The following ADAMTS16 variants were observed in gnomAD, a reference collection of about 807,000 sequenced individuals.
The protein encoded by ADAMTS16 is ADAM metallopeptidase with thrombospondin type 1 motif 16.
In ADAMTS16, 94 loss-of-function variants were observed where a neutral mutation model predicts 145.8. The observed-to-expected ratio is 0.64, with a 90% CI of 0.55 to 0.77. ADAMTS16 has a LOEUF of 0.77. Among genes scored for constraint, ADAMTS16 ranks in the 30% least tolerant of loss-of-function variants. The pLI is 0.00. For synonymous variants in ADAMTS16, 659 were observed against 604.3 expected, an observed-to-expected ratio of 1.09 and a Z score of -1.33; for missense variants, 1,585 against 1,591.5, an observed-to-expected ratio of 1.00 and a Z score of 0.07.
intron 3 of ADAMTS16, among the ~76,000 whole-genome samples, chr5:5,156,901 T>C (rs1027835896): frequency 2.0e-5 from 3 of 152,180 alleles, no homozygotes; most frequent in African/African-American, 7.2e-5. Flanking sequence ...ACAACAGCTG[T>C]TCTCAGTAAT....
intron 10 of ADAMTS16, among the ~76,000 whole-genome samples, chr5:5,222,555 A>T (rs543353689): frequency 4.6e-5 from 7 of 152,292 alleles, no homozygotes; most frequent in African/African-American, 1.7e-4. Flanking sequence ...TTTTGTTAAA[A>T]AGATAATATA....
intron 18 of ADAMTS16, among the ~76,000 whole-genome samples, chr5:5,284,396 T>G (rs1051224722): frequency 1.3e-5 from 2 of 152,230 alleles, no homozygotes; most frequent in African/African-American, 2.4e-5. Context: ...TAGTAATGCA[T>G]GTAAATTCTG....
rs754295364 is a variant in ADAMTS16, at chr5:5,191,730, C to G, written c.1253C>G (p.Thr418Arg). Residue 418 changes from threonine (T) to arginine (R), a missense_variant, in exon 8 of 23, where the codon ACG becomes AGG. Coordinates refer to ENST00000274181, the MANE Select transcript of ADAMTS16 (RefSeq NM_139056.4). ...ATGTGTAGTAAATATCGCAGCTGCACGATTAATGAAGATACAGGTCTTGGA... is the reference window on the plus strand; with the variant it reads ...ATGTGTAGTAAATATCGCAGCTGCAGGATTAATGAAGATACAGGTCTTGGA... ...SGMCSKYRSC[T>R]INEDTGLGLA... The G allele has an allele frequency of 6.2e-7, 1 of 1,613,582 alleles. No homozygotes were observed. Among genetic ancestry groups the G allele is most frequent in the Non-Finnish European group, 8.5e-7 (1 of 1,179,740 alleles).
At chr5:5,263,159 C>T (rs1738095511) in intron 18 of ADAMTS16, among the ~76,000 whole-genome samples, 1 of 152,200 alleles carries the variant, frequency 6.6e-6, no homozygotes, top group Non-Finnish European at 1.5e-5. Flanking sequence ...GAACCCATCA[C>T]AAGGCCTGCC....
At chr5:5,194,124 T>C (rs1297833798) in intron 8 of ADAMTS16, among the ~76,000 whole-genome samples, 1 of 151,876 alleles carries the variant, frequency 6.6e-6, no homozygotes, top group African/African-American at 2.4e-5. Context: ...AAATAAGCCC[T>C]GCATGTGGAT....
chr5:5,247,212 A>G (rs1405512213), intron 17 of ADAMTS16, among the ~76,000 whole-genome samples: 1 of 152,124 alleles, frequency 6.6e-6, no homozygotes, highest in African/African-American at 2.4e-5. Flanking sequence ...CTTCAGCTAA[A>G]GGGTTGGGTC....
chr5:5,242,291 G>T (rs1486471287), intron 17 of ADAMTS16, 100 bp downstream of exon 17: 16 of 1,449,008 alleles, frequency 1.1e-5, no homozygotes, highest in Admixed American at 2.3e-5. Context: ...GCAGCCCGGG[G>T]CTTCTCCCTG....
chr5:5,199,159 C>T (rs115580178), intron 8 of ADAMTS16, among the ~76,000 whole-genome samples: 2,365 of 152,280 alleles, frequency 0.016, 53 homozygotes, highest in African/African-American at 0.054. Context: ...ACTCAAGGCC[C>T]TCCTACAGCT....
intron 10 of ADAMTS16, among the ~76,000 whole-genome samples, chr5:5,218,690 T>C (rs1736505254): frequency 6.6e-6 from 1 of 152,176 alleles, no homozygotes; most frequent in South Asian, 2.1e-4. Context: ...CGAGGTTTTA[T>C]TGAGTAGTGG....
chr5:5,262,251 CTTG>C (rs777412890), intron 17 of ADAMTS16, among the ~76,000 whole-genome samples: 2 of 152,224 alleles, frequency 1.3e-5, no homozygotes, highest in South Asian at 4.1e-4. Context: ...ATTACTGTTT[CTTG>C]TTGTCATCTC....
intron 11 of ADAMTS16, 77 bp from the exon 12 acceptor site, chr5:5,232,291 C>A: frequency 6.4e-7 from 1 of 1,566,954 alleles, no homozygotes; most frequent in Non-Finnish European, 8.8e-7. Flanking sequence ...CACTGCTCAG[C>A]CTTATAGCAG....
rs566228851 is a variant in ADAMTS16 at position 5,239,205 on chromosome 5, G to A, written c.2209G>A (p.Val737Met). The change falls in exon 15 of 23, where the codon GTG (valine) becomes ATG (methionine). Residue 737 changes from valine to methionine, a missense_variant. Coordinates refer to ENST00000274181, the MANE Select transcript of ADAMTS16 (RefSeq NM_139056.4). ...GSDAVEDVCG[V>M]CNGNNSACTI... ...TGATGCTGTTGAAGACGTCTGTGGG[G>A]TGTGTAACGGGAATAACTCAGCCTG... 5 of 1,603,302 alleles carry A rather than the reference G, an allele frequency of 3.1e-6. No individual in the cohort carries two copies. The African/African-American group carries it at 6.7e-5, about 21-fold the overall frequency.
At chr5:5,151,837 A>G (rs1248780751) in intron 3 of ADAMTS16, among the ~76,000 whole-genome samples, 1 of 151,938 alleles carries the variant, frequency 6.6e-6, no homozygotes, top group Non-Finnish European at 1.5e-5. Context: ...CTTTATACTT[A>G]TTCATCCTAT....
chr5:5,238,179 A>G (rs1737171542), intron 14 of ADAMTS16, among the ~76,000 whole-genome samples: 1 of 152,106 alleles, frequency 6.6e-6, no homozygotes, highest in Admixed American at 6.6e-5. Context: ...TGATGTGTTC[A>G]CTATTTTATT....
At chr5:5,257,575 T>C (rs898499970) in intron 17 of ADAMTS16, among the ~76,000 whole-genome samples, 2 of 152,210 alleles carry the variant, frequency 1.3e-5, no homozygotes, top group Admixed American at 6.5e-5. Flanking sequence ...TGAGAGGAAA[T>C]GATGTTACTG....
intron 3 of ADAMTS16, among the ~76,000 whole-genome samples, chr5:5,153,623 TAGAAACTCCATTA>T (rs1734528228): frequency 6.6e-6 from 1 of 152,242 alleles, no homozygotes; most frequent in South Asian, 2.1e-4. Context: ...AACTATTTTT[TAGAAACTCCATTA>T]GTCAATATTT....
intron 3 of ADAMTS16, among the ~76,000 whole-genome samples, chr5:5,155,685 G>A (rs1327398024): frequency 6.6e-6 from 1 of 152,106 alleles, no homozygotes; most frequent in Admixed American, 6.5e-5. Context: ...TAGAATCAGC[G>A]GCTGCAACTG....
chr5:5,219,646 G>A (rs550578963), intron 10 of ADAMTS16, among the ~76,000 whole-genome samples: 101 of 152,284 alleles, frequency 6.6e-4, no homozygotes, highest in African/African-American at 2.2e-3. Context: ...TTATATGATC[G>A]TCAGTTTCTT....
intron 11 of ADAMTS16, among the ~76,000 whole-genome samples, chr5:5,226,003 T>C (rs1023302561): frequency 2.0e-5 from 3 of 152,022 alleles, no homozygotes; most frequent in Non-Finnish European, 4.4e-5. Context: ...AGAACTTCCT[T>C]GTGAGTAATT....
Sources: allele counts gnomAD v4.1 joint callset (sites outside exome capture counted in the v4.1 genomes callset), GRCh38; gene constraint gnomAD v4.1.1; transcripts MANE v1.5; gene names NCBI Gene and HGNC (gene_info 2026-07-23, HGNC 2026-07-21).